CDK17: variants seen among roughly 807,000 people sequenced by gnomAD.
CDK17 encodes cyclin dependent kinase 17.
A neutral mutation model predicts 77.6 loss-of-function variants in CDK17; 24 were observed. The observed-to-expected ratio is 0.31, with a 90% CI of 0.22 to 0.44. The LOEUF (loss-of-function observed/expected upper bound fraction) is 0.44. Ranked by LOEUF, CDK17 falls within the 20% of genes least tolerant of loss-of-function variation. The pLI is 1.00. For missense variants in CDK17, 429 were observed against 622.5 expected (o/e 0.69, Z 3.31); for synonymous variants, 203 against 210.4 (o/e 0.96, Z 0.30).
chr12:96,294,611 A>AAAAAAAAAAAAAAAAAAAAAAAAAT (rs71097274), intron 10 of CDK17, among the ~76,000 whole-genome samples: 1 of 121,252 alleles, frequency 8.2e-6, no homozygotes, highest in Non-Finnish European at 1.7e-5. Flanking sequence ...AAAAAAAAAA[A>AAAAAAAAAAAAAAAAAAAAAAAAAT]GATATATTTT....
At chr12:96,381,094 T>A (rs1350113533) in intron 1 of CDK17, among the ~76,000 whole-genome samples, 1 of 152,146 alleles carries the variant, frequency 6.6e-6, no homozygotes, top group East Asian at 1.9e-4. Flanking sequence ...TCATCTTTGG[T>A]AATAACACAA....
intron 1 of CDK17, among the ~76,000 whole-genome samples, chr12:96,385,138 C>A (rs1159413798): frequency 6.6e-6 from 1 of 151,832 alleles, no homozygotes; most frequent in Non-Finnish European, 1.5e-5. Flanking sequence ...ATGGCAAAAC[C>A]CCGTCTCTAC....
rs1009908470 is a variant in CDK17, at chr12:96,400,254, C to T, written c.-298G>A. 5.1e-6 allele frequency: 2 copies of T among 393,456 alleles called. No individual in the cohort carries two copies. The highest frequency in any genetic ancestry group is 4.1e-5 in the African/African-American group (2 of 48,340). 24.4% of individuals were successfully genotyped at this position (393,456 alleles called of 1,614,324 possible). ...CGCGCCGACGAGCCGCGCGGACGGC[C>T]CACTAATCCCCTCGGAGCAGCCGGG... On this transcript the variant is annotated 5_prime_UTR_variant, in exon 1 of 17. Transcript: ENST00000261211.
chr12:96,380,174 CAAAAAAAAAACA>C (rs1347501375), intron 1 of CDK17, among the ~76,000 whole-genome samples: 11 of 145,168 alleles, frequency 7.6e-5, no homozygotes, highest in Non-Finnish European at 1.4e-4. Context: ...GTCCCCCGAC[CAAAAAAAAAACA>C]AAAAAAAAAC....
intron 1 of CDK17, among the ~76,000 whole-genome samples, chr12:96,367,679 A>C: frequency 6.6e-6 from 1 of 152,088 alleles, no homozygotes. Context: ...GAGTCACAGC[A>C]GAAGCAAAGT....
At chr12:96,353,618 G>A (rs1435427262) in intron 1 of CDK17, among the ~76,000 whole-genome samples, 1 of 150,470 alleles carries the variant, frequency 6.6e-6, no homozygotes, top group Non-Finnish European at 1.5e-5. Flanking sequence ...GGGGGGGCGC[G>A]GGTACAAATA....
At position 96,301,256 on chromosome 12, in the gene CDK17, A is replaced by AC. The variant is rs1429566002; in HGVS notation, c.544-897_544-896insG. Among the ~76,000 whole-genome samples, 241 of 112,484 alleles carry AC rather than the reference A, an allele frequency of 2.1e-3. 1 individual carries two copies. Among genetic ancestry groups the AC allele is most frequent in the African/African-American group, 5.0e-3 (161 of 31,930 alleles). 73.8% of individuals were successfully genotyped at this position (112,484 alleles called of 152,430 possible). ...AACACTCGGCCAAAAAAAAAAAAAA[A>AC]AAACAAACAAACCCACAACAACAAG... On this transcript the variant is annotated intron_variant, in intron 5 of 16. Coordinates refer to ENST00000261211, the MANE Select transcript of CDK17 (RefSeq NM_002595.5).
At chr12:96,301,637 A>C (rs1384450521) in intron 5 of CDK17, among the ~76,000 whole-genome samples, 1 of 152,208 alleles carries the variant, frequency 6.6e-6, no homozygotes, top group Non-Finnish European at 1.5e-5. Context: ...CCTTAAATAA[A>C]AAGCCAGTTA....
chr12:96,301,779 A>C (rs1474301724), intron 5 of CDK17, among the ~76,000 whole-genome samples: 1 of 152,192 alleles, frequency 6.6e-6, no homozygotes, highest in Non-Finnish European at 1.5e-5. Flanking sequence ...CTGTGGAATA[A>C]AATTAAAATA....
chr12:96,376,376 G>T (rs1343727390), intron 1 of CDK17, among the ~76,000 whole-genome samples: 1 of 152,118 alleles, frequency 6.6e-6, no homozygotes, highest in Non-Finnish European at 1.5e-5. Flanking sequence ...ACTTAAACCA[G>T]ACTCCAAAAC....
intron 1 of CDK17, among the ~76,000 whole-genome samples, chr12:96,360,702 G>C (rs191145011): frequency 1.1e-3 from 169 of 152,250 alleles, no homozygotes; most frequent in Admixed American, 1.8e-3. Context: ...TGATAATGAC[G>C]TATACCCAGG....
At chr12:96,358,030 A>G (rs1953427183) in intron 1 of CDK17, among the ~76,000 whole-genome samples, 1 of 152,178 alleles carries the variant, frequency 6.6e-6, no homozygotes, top group African/African-American at 2.4e-5. Context: ...CAACAAGGAC[A>G]AATATTAGTA....
At chr12:96,317,238 A>G (rs1299871904) in intron 3 of CDK17, among the ~76,000 whole-genome samples, 1 of 150,064 alleles carries the variant, frequency 6.7e-6, no homozygotes, top group Admixed American at 6.7e-5. Context: ...TGAGAAGGGA[A>G]GTTTAGAGAA....
intron 1 of CDK17, among the ~76,000 whole-genome samples, chr12:96,337,321 T>C (rs1002581134): frequency 7.9e-5 from 12 of 151,338 alleles, no homozygotes; most frequent in African/African-American, 2.7e-4. Flanking sequence ...TTACCCCCAA[T>C]AGCTTAAGAG....
chr12:96,391,414 C>T (rs1954065618), intron 1 of CDK17, among the ~76,000 whole-genome samples: 1 of 151,746 alleles, frequency 6.6e-6, no homozygotes, highest in Non-Finnish European at 1.5e-5. Context: ...CTCAGCCTCC[C>T]AGGTAGCTGG....
chr12:96,286,572 T>G (rs977334668), intron 12 of CDK17, 92 bp downstream of exon 12: 26 of 829,774 alleles, frequency 3.1e-5, no homozygotes, highest in Admixed American at 1.3e-4. Flanking sequence ...AGTCTCAGTA[T>G]CTAATTTTAA....
rs1466133598 is a variant in CDK17, at chr12:96,323,282, AAACAAAAAC to A, written c.283+657_283+665del. 2.1e-3 allele frequency among the ~76,000 whole-genome samples: 205 copies of A among 98,006 alleles called. 1 individual carries two copies. Among genetic ancestry groups the A allele is most frequent in the East Asian group, 8.4e-3 (8 of 958 alleles). The allele number at this position is 98,006 out of a possible 152,430, so 64.3% of individuals were successfully genotyped here. On this transcript the variant is annotated intron_variant, in intron 3 of 16. Coordinates refer to ENST00000261211, the MANE Select transcript of CDK17 (RefSeq NM_002595.5). ...ACCCCGTCTTCTAAAAAAAAAAAAA[AAACAAAAAC>A]AAACAAACAAACAAATTAGCCAGGC...
At chr12:96,298,817 A>T in intron 7 of CDK17, 52 bp downstream of exon 7, 1 of 933,968 alleles carries the variant, frequency 1.1e-6, no homozygotes, top group Non-Finnish European at 1.6e-6. Flanking sequence ...TATAAAAAAT[A>T]GACACTTATT....
intron 1 of CDK17, among the ~76,000 whole-genome samples, chr12:96,355,517 G>A (rs1488983154): frequency 6.9e-6 from 1 of 145,600 alleles, no homozygotes; most frequent in Non-Finnish European, 1.5e-5. Flanking sequence ...CGATTCTCCT[G>A]CCTCAGCCTC....
Sources: gnomAD v4.1 joint callset for allele counts (sites outside exome capture counted in the v4.1 genomes callset) on GRCh38, gnomAD v4.1.1 for gene constraint, MANE v1.5 for transcripts, NCBI Gene and HGNC (gene_info 2026-07-23, HGNC 2026-07-21) for gene names.